The following PSD3 variants were observed in gnomAD, a reference collection of about 807,000 sequenced individuals.
PSD3 encodes pleckstrin and Sec7 domain containing 3.
In PSD3, 49 loss-of-function variants were observed where a neutral mutation model predicts 105.5. The observed-to-expected ratio is 0.46, with a 90% confidence interval of 0.37 to 0.59. The LOEUF is 0.59. Ranked by LOEUF, PSD3 falls within the 20% of genes least tolerant of loss-of-function variation. PSD3 has a pLI of 0.00. For missense variants in PSD3, 1,561 were observed against 1,263.8 expected (o/e 1.24, Z -3.57); for synonymous variants, 557 against 457.8 (o/e 1.22, Z -2.77).
At chr8:18,790,661 T>C (rs1809630916) in intron 8 of PSD3, among the ~76,000 whole-genome samples, 2 of 152,062 alleles carry the variant, frequency 1.3e-5, no homozygotes, top group Admixed American at 1.3e-4. Context: ...CTATTCTCTA[T>C]ATCCTTATTG....
At chr8:18,665,054 G>C (rs1238004820) in intron 9 of PSD3, among the ~76,000 whole-genome samples, 1 of 152,212 alleles carries the variant, frequency 6.6e-6, no homozygotes, top group African/African-American at 2.4e-5. Context: ...GATGACTGTT[G>C]TTTTCATGCC....
intron 9 of PSD3, among the ~76,000 whole-genome samples, chr8:18,752,495 A>G (rs1805583508): frequency 6.0e-5 from 1 of 16,646 alleles, no homozygotes. Context: ...TATATATAAT[A>G]TATATAATAT....
At chr8:18,835,879 A>G (rs1462517689) in intron 4 of PSD3, among the ~76,000 whole-genome samples, 2 of 152,128 alleles carry the variant, frequency 1.3e-5, no homozygotes, top group African/African-American at 2.4e-5. Context: ...TGCGGTGTAG[A>G]TGGGGGGGCG....
At chr8:18,735,209 T>C (rs987607267) in intron 9 of PSD3, among the ~76,000 whole-genome samples, 4 of 152,182 alleles carry the variant, frequency 2.6e-5, no homozygotes, top group Admixed American at 6.5e-5. Context: ...GAAAACACTT[T>C]ATAGAGATAA....
intron 4 of PSD3, among the ~76,000 whole-genome samples, chr8:18,860,467 A>T (rs559108962): frequency 5.3e-4 from 80 of 152,248 alleles, no homozygotes; most frequent in African/African-American, 1.9e-3. Context: ...ATAAAAAAAA[A>T]AAACAGAGTA....
intron 12 of PSD3, among the ~76,000 whole-genome samples, chr8:18,586,348 T>C (rs1036166794): frequency 6.6e-6 from 1 of 152,150 alleles, no homozygotes; most frequent in Admixed American, 6.5e-5. Context: ...TATTTGTTTT[T>C]CGGAGGGGGA....
At chr8:18,791,215 T>C (rs1310575050) in intron 8 of PSD3, among the ~76,000 whole-genome samples, 2 of 152,116 alleles carry the variant, frequency 1.3e-5, no homozygotes, top group Non-Finnish European at 1.5e-5. Context: ...TTCATTTAAT[T>C]AGAAAAAAAC....
chr8:19,060,795 G>A (rs1476411795), intron 1 of PSD3, among the ~76,000 whole-genome samples: 1 of 152,174 alleles, frequency 6.6e-6, no homozygotes, highest in East Asian at 1.9e-4. Context: ...GTTAGCTGAA[G>A]GGGGAAAGAA....
intron 9 of PSD3, among the ~76,000 whole-genome samples, chr8:18,709,869 G>A (rs1802141192): frequency 6.6e-6 from 1 of 152,152 alleles, no homozygotes; most frequent in Non-Finnish European, 1.5e-5. Flanking sequence ...AGGTAAATAA[G>A]CTCACAAAGA....
At chr8:18,892,421 C>T (rs1392090218) in intron 2 of PSD3, among the ~76,000 whole-genome samples, 2 of 151,686 alleles carry the variant, frequency 1.3e-5, no homozygotes, top group Non-Finnish European at 2.9e-5. Context: ...GACGGAGTTT[C>T]ACCATGTTAG....
At chr8:18,607,204 C>T (rs751238123) in intron 11 of PSD3, among the ~76,000 whole-genome samples, 16 of 152,170 alleles carry the variant, frequency 1.1e-4, no homozygotes, top group Non-Finnish European at 2.1e-4. Context: ...GGCATCCCTG[C>T]TCATGACTAC....
chr8:19,016,931 C>G (rs958626746), upstream of PSD3, among the ~76,000 whole-genome samples: 1 of 152,120 alleles, frequency 6.6e-6, no homozygotes, highest in African/African-American at 2.4e-5. Context: ...ATGACCCAAT[C>G]ACCTCTTAAA....
At chr8:18,593,679 G>A (rs1803785022) in intron 12 of PSD3, among the ~76,000 whole-genome samples, 5 of 152,188 alleles carry the variant, frequency 3.3e-5, no homozygotes, top group East Asian at 3.9e-4. Flanking sequence ...GCTCACGTAC[G>A]TTTATTGCAG....
intron 4 of PSD3, among the ~76,000 whole-genome samples, chr8:18,819,672 G>C (rs1050223844): frequency 3.5e-5 from 5 of 141,570 alleles, no homozygotes; most frequent in Non-Finnish European, 7.5e-5. Flanking sequence ...TCCGCCTCCA[G>C]GGTTCATGTG....
At chr8:18,730,869 C>T (rs964117196) in intron 9 of PSD3, among the ~76,000 whole-genome samples, 1 of 151,472 alleles carries the variant, frequency 6.6e-6, no homozygotes, top group African/African-American at 2.4e-5. Context: ...AATAAATAGC[C>T]GATAATAACA....
chr8:18,724,895 A>G (rs1251129748), intron 9 of PSD3, among the ~76,000 whole-genome samples: 1 of 152,198 alleles, frequency 6.6e-6, no homozygotes, highest in Non-Finnish European at 1.5e-5. Context: ...TAACAACTAG[A>G]TGGGAACAAT....
chr8:18,664,678 T>C (rs1231159514), intron 9 of PSD3, among the ~76,000 whole-genome samples: 1 of 152,188 alleles, frequency 6.6e-6, no homozygotes, highest in Non-Finnish European at 1.5e-5. Flanking sequence ...CAAAACAGCC[T>C]TTTATTGGAA....
intron 11 of PSD3, among the ~76,000 whole-genome samples, chr8:18,614,302 TG>T (rs1805488377): frequency 6.6e-6 from 1 of 152,102 alleles, no homozygotes; most frequent in African/African-American, 2.4e-5. Context: ...GTTGGTTTGT[TG>T]CTGCAACCAC....
intron 2 of PSD3, among the ~76,000 whole-genome samples, chr8:18,891,919 A>C (rs573792876): frequency 6.6e-4 from 101 of 152,278 alleles, no homozygotes; most frequent in African/African-American, 2.3e-3. Flanking sequence ...TCCTTTTTAC[A>C]AAAGAAGAAT....
Sources: allele counts gnomAD v4.1 joint callset (sites outside exome capture counted in the v4.1 genomes callset), GRCh38; gene constraint gnomAD v4.1.1; transcripts MANE v1.5; gene names NCBI Gene and HGNC (gene_info 2026-07-23, HGNC 2026-07-21).